ZNF618: variants seen among roughly 807,000 people sequenced by gnomAD.
ZNF618 encodes the protein neural precursor cell expressed, developmentally down-regulated 10.
A neutral mutation model predicts 103.0 loss-of-function variants in ZNF618; 34 were observed. The ratio of observed to expected loss-of-function variants is 0.33; its 90% CI spans 0.25 to 0.44. The LOEUF (loss-of-function observed/expected upper bound fraction) is 0.44. Ranked by LOEUF, ZNF618 falls within the 20% of genes least tolerant of loss-of-function variation. ZNF618 has a pLI of 1.00. For synonymous variants in ZNF618, 551 were observed against 542.2 expected (o/e 1.02, Z -0.23); for missense variants, 1,059 against 1,295.4 (o/e 0.82, Z 2.80).
chr9:113,909,827 C>G (rs998535411), intron 1 of ZNF618, among the ~76,000 whole-genome samples: 1 of 151,934 alleles, frequency 6.6e-6, no homozygotes, highest in African/African-American at 2.4e-5. Flanking sequence ...CTCTGTCACC[C>G]AGGCTGGAGT....
intron 2 of ZNF618, among the ~76,000 whole-genome samples, chr9:113,976,191 C>G (rs1291123848): frequency 6.6e-6 from 1 of 152,188 alleles, no homozygotes; most frequent in Non-Finnish European, 1.5e-5. Flanking sequence ...CCAAAGGGCA[C>G]TTGAACTTTG....
At chr9:113,966,736 A>G (rs1354582958) in intron 1 of ZNF618, among the ~76,000 whole-genome samples, 2 of 152,138 alleles carry the variant, frequency 1.3e-5, no homozygotes. Context: ...TCCATATTCC[A>G]ATGAAGCAAC....
intron 2 of ZNF618, among the ~76,000 whole-genome samples, chr9:113,987,758 C>G (rs938093341): frequency 2.0e-5 from 3 of 152,216 alleles, no homozygotes; most frequent in Admixed American, 2.0e-4. Flanking sequence ...ACTCGGGAGG[C>G]CGAGGTGGGA....
chr9:113,892,001 C>G lies in ZNF618; in HGVS notation c.33+15588C>G, dbSNP rs1322369469. On this transcript the variant is annotated intron_variant, in intron 1 of 14. Coordinates refer to ENST00000374126, the MANE Select transcript of ZNF618 (RefSeq NM_001318042.2). ...AAAAGACACATGCTGTGTGATCCCACTCATAAGAGAAATTGAAGTCAAACG... is the reference window on the plus strand; with the variant it reads ...AAAAGACACATGCTGTGTGATCCCAGTCATAAGAGAAATTGAAGTCAAACG... Among the ~76,000 whole-genome samples, 4 of 152,226 alleles carry G rather than the reference C, an allele frequency of 2.6e-5. No homozygotes were observed. In the East Asian group the frequency reaches 7.7e-4, roughly 29 times the overall value.
chr9:113,970,627 G>A (rs2132836254), intron 2 of ZNF618, among the ~76,000 whole-genome samples: 1 of 151,992 alleles, frequency 6.6e-6, no homozygotes, highest in African/African-American at 2.4e-5. Flanking sequence ...TGTTCCCTGT[G>A]TCTGGAATGT....
intron 1 of ZNF618, among the ~76,000 whole-genome samples, chr9:113,949,550 C>T (rs1835349136): frequency 6.6e-6 from 1 of 152,174 alleles, no homozygotes; most frequent in South Asian, 2.1e-4. Flanking sequence ...AGACTCTTTC[C>T]CTGGAGGAGA....
chr9:113,911,549 G>A (rs888499783), intron 1 of ZNF618, among the ~76,000 whole-genome samples: 50 of 151,782 alleles, frequency 3.3e-4, no homozygotes, highest in African/African-American at 1.2e-3. Context: ...GGATGGTCTC[G>A]AGCTCCTGAC....
chr9:114,024,880 A>C (rs577894118), intron 10 of ZNF618, among the ~76,000 whole-genome samples: 1 of 152,082 alleles, frequency 6.6e-6, no homozygotes, highest in Non-Finnish European at 1.5e-5. Context: ...CTTCTTTGTT[A>C]ATTTGCCGTG....
intron 1 of ZNF618, among the ~76,000 whole-genome samples, chr9:113,940,684 AAAAC>A (rs1834467024): frequency 1.3e-5 from 2 of 152,052 alleles, no homozygotes; most frequent in Non-Finnish European, 2.9e-5. Context: ...TTTTTGTAAA[AAAAC>A]TTTTTGTTTT....
intron 10 of ZNF618, among the ~76,000 whole-genome samples, chr9:114,023,577 G>A (rs928751013): frequency 1.6e-4 from 24 of 151,818 alleles, no homozygotes; most frequent in African/African-American, 4.1e-4. Context: ...TCTTTCCTTC[G>A]TATACATCTG....
At chr9:114,041,846 T>C (rs1347963526) in intron 13 of ZNF618, among the ~76,000 whole-genome samples, 1 of 152,216 alleles carries the variant, frequency 6.6e-6, no homozygotes, top group Non-Finnish European at 1.5e-5. Context: ...TTTAAAGTAG[T>C]TTTTTCCAAT....
rs757533455 is a variant in ZNF618 at position 114,047,971 on chromosome 9, C to T, written c.1325C>T (p.Ala442Val). The change falls in exon 14 of 15, where the codon GCC (alanine) becomes GTC (valine). Residue 442 changes from alanine to valine, a missense_variant. Transcript: ENST00000374126. ...AVVEEKWKPQAQRNSANNTTT... is the reference protein window; with the variant it reads ...AVVEEKWKPQVQRNSANNTTT... ...GTAGAAGAGAAGTGGAAACCTCAGG[C>T]CCAGAGGAACAGTGCCAATAACAGT... 5.1e-5 allele frequency: 81 copies of T among 1,592,748 alleles called. 1 individual carries two copies. The highest frequency in any genetic ancestry group is 8.5e-7 in the Non-Finnish European group (1 of 1,169,720).
At chr9:113,959,806 G>A (rs1411359089) in intron 1 of ZNF618, among the ~76,000 whole-genome samples, 5 of 152,024 alleles carry the variant, frequency 3.3e-5, no homozygotes, top group African/African-American at 7.2e-5. Context: ...ACAGCGTTTC[G>A]CCATGTTGGC....
chr9:113,914,090 T>C (rs541134724), intron 1 of ZNF618, among the ~76,000 whole-genome samples: 1 of 152,258 alleles, frequency 6.6e-6, no homozygotes, highest in East Asian at 1.9e-4. Flanking sequence ...CACTTTTTAT[T>C]TAACATGCTG....
chr9:113,996,683 T>C (rs1840627905), intron 3 of ZNF618, among the ~76,000 whole-genome samples: 1 of 152,128 alleles, frequency 6.6e-6, no homozygotes, highest in African/African-American at 2.4e-5. Context: ...AGAGGAAAAG[T>C]CCGCTCCTGC....
At chr9:113,932,079 A>G (rs1717104554) in intron 1 of ZNF618, among the ~76,000 whole-genome samples, 1 of 152,214 alleles carries the variant, frequency 6.6e-6, no homozygotes. Context: ...CAACTAAATG[A>G]TGAATGGAAT....
chr9:113,949,549 C>T (rs1199035270), intron 1 of ZNF618, among the ~76,000 whole-genome samples: 1 of 152,182 alleles, frequency 6.6e-6, no homozygotes, highest in Non-Finnish European at 1.5e-5. Flanking sequence ...CAGACTCTTT[C>T]CCTGGAGGAG....
At chr9:113,951,403 G>GTATATATACACACATATATGTGTGTATA in intron 1 of ZNF618, among the ~76,000 whole-genome samples, 449 of 41,872 alleles carry the variant, frequency 0.011, 58 homozygotes, top group Middle Eastern at 0.018. Flanking sequence ...ATATATATAC[G>GTATATATACACACATATATGTGTGTATA]TATATATACA....
intron 9 of ZNF618, chr9:114,016,126 A>C (rs915986089): frequency 1.9e-6 from 3 of 1,612,834 alleles, no homozygotes; most frequent in Non-Finnish European, 2.5e-6. Flanking sequence ...ACAATATTAC[A>C]TCAGACATTT....
Sources: allele counts gnomAD v4.1 joint callset (sites outside exome capture counted in the v4.1 genomes callset), GRCh38; gene constraint gnomAD v4.1.1; transcripts MANE v1.5; gene names NCBI Gene and HGNC (gene_info 2026-07-23, HGNC 2026-07-21).